The following BMP2K variants were observed in gnomAD, a reference collection of about 807,000 sequenced individuals.
The protein encoded by BMP2K is BMP2 inducible kinase.
Under a neutral mutation model 116.0 loss-of-function variants are expected in BMP2K, and 74 were observed. The observed-to-expected ratio is 0.64, with a 90% CI of 0.53 to 0.77. The LOEUF (loss-of-function observed/expected upper bound fraction) is 0.77, where lower values mean the gene tolerates loss of function less well. Ranked by LOEUF, BMP2K falls within the 30% of genes least tolerant of loss-of-function variation. The pLI is 0.00. For synonymous variants in BMP2K, 486 were observed against 502.5 expected (o/e 0.97, Z 0.44); for missense variants, 1,365 against 1,403.6 (o/e 0.97, Z 0.44).
intron 1 of BMP2K, among the ~76,000 whole-genome samples, chr4:78,793,546 C>T (rs76799603): frequency 0.097 from 14,778 of 151,818 alleles, 2,444 homozygotes; most frequent in African/African-American, 0.34. Context: ...CAGAAGCACT[C>T]GGTGGTTGTT....
chr4:78,854,542 G>A (rs1241990467), intron 7 of BMP2K, among the ~76,000 whole-genome samples: 3 of 151,970 alleles, frequency 2.0e-5, no homozygotes, highest in Non-Finnish European at 4.4e-5. Flanking sequence ...CAAAGTGCTG[G>A]GACTATAGGC....
At chr4:78,804,717 T>C (rs893080458) in intron 1 of BMP2K, among the ~76,000 whole-genome samples, 22 of 151,780 alleles carry the variant, frequency 1.4e-4, no homozygotes, top group African/African-American at 5.1e-4. Context: ...ATTGGCCATG[T>C]GTGTATCTTT....
At chr4:78,801,315 T>C (rs1171469096) in intron 1 of BMP2K, among the ~76,000 whole-genome samples, 1 of 151,664 alleles carries the variant, frequency 6.6e-6, no homozygotes, top group African/African-American at 2.4e-5. Context: ...TTCTGTGAAT[T>C]ATCTTTATTG....
At chr4:78,835,453 GTC>G (rs1730426437) in intron 3 of BMP2K, among the ~76,000 whole-genome samples, 1 of 151,640 alleles carries the variant, frequency 6.6e-6, no homozygotes, top group African/African-American at 2.4e-5. Context: ...GTGAAACCCT[GTC>G]TCTACTAAAA....
chr4:78,819,364 T>C (rs969938979), intron 1 of BMP2K, among the ~76,000 whole-genome samples: 2 of 152,174 alleles, frequency 1.3e-5, no homozygotes, highest in African/African-American at 4.8e-5. Flanking sequence ...CAAGTAGTAA[T>C]AGCAGCAGCC....
intron 3 of BMP2K, among the ~76,000 whole-genome samples, chr4:78,836,803 G>A (rs1294647719): frequency 6.6e-6 from 1 of 152,178 alleles, no homozygotes; most frequent in East Asian, 1.9e-4. Flanking sequence ...GAATTTTGAG[G>A]ACATCATTCC....
At chr4:78,857,794 A>G (rs1731574480) in intron 7 of BMP2K, among the ~76,000 whole-genome samples, 1 of 152,060 alleles carries the variant, frequency 6.6e-6, no homozygotes, top group Admixed American at 6.6e-5. Context: ...CAGTATCACG[A>G]ATAGTGTTTT....
chr4:78,776,499 T>G lies in BMP2K; in HGVS notation c.-45T>G, dbSNP rs2109907411. On this transcript the variant is annotated 5_prime_UTR_variant, in exon 1 of 16. Transcript: ENST00000502613. ...CCCGGCTGCGCGCCGGGCCGGGGAC[T>G]TGCCCTTGCACGCTCCCTGCGCCCT... 3 of 1,124,374 alleles carry G rather than the reference T, an allele frequency of 2.7e-6. No homozygotes were observed. The highest frequency in any genetic ancestry group is 4.3e-5 in the South Asian group (1 of 23,402). 69.6% of individuals were successfully genotyped at this position (1,124,374 alleles called of 1,614,324 possible). A position where few individuals can be genotyped will look rare whatever the true frequency, so the allele number is the denominator to read the frequency against.
At chr4:78,803,546 T>C (rs1728674450) in intron 1 of BMP2K, among the ~76,000 whole-genome samples, 1 of 151,980 alleles carries the variant, frequency 6.6e-6, no homozygotes, top group African/African-American at 2.4e-5. Flanking sequence ...TCCCTGCACA[T>C]TTTTGTATTT....
intron 4 of BMP2K, among the ~76,000 whole-genome samples, chr4:78,843,172 C>T (rs969528376): frequency 1.3e-5 from 2 of 152,010 alleles, no homozygotes; most frequent in Middle Eastern, 3.4e-3. Flanking sequence ...CCCAGAAGAA[C>T]ACTGAGATTA....
chr4:78,872,969 G>A (rs1320881184), intron 13 of BMP2K, among the ~76,000 whole-genome samples, 171 bp downstream of exon 13: 2 of 152,076 alleles, frequency 1.3e-5, no homozygotes, highest in East Asian at 1.9e-4. Context: ...CCATCCTTCC[G>A]TTTCCTCAGT....
chr4:78,907,727 A>G (rs1438848152), intron 15 of BMP2K, among the ~76,000 whole-genome samples: 1 of 152,146 alleles, frequency 6.6e-6, no homozygotes, highest in East Asian at 1.9e-4. Context: ...AGAGTGCACC[A>G]TTTCATAGAC....
chr4:78,827,533 A>C (rs1049412330), intron 2 of BMP2K, among the ~76,000 whole-genome samples: 1 of 152,200 alleles, frequency 6.6e-6, no homozygotes, highest in Admixed American at 6.5e-5. Flanking sequence ...GCACTGCTGC[A>C]GTACCCCTAT....
intron 15 of BMP2K, among the ~76,000 whole-genome samples, chr4:78,888,789 T>C (rs1406800713): frequency 6.6e-6 from 1 of 152,210 alleles, no homozygotes; most frequent in Non-Finnish European, 1.5e-5. Flanking sequence ...GTGGGAAATA[T>C]GAATTGTCTA....
chr4:78,831,141 G>T (rs1040469247), intron 2 of BMP2K, among the ~76,000 whole-genome samples: 2 of 152,204 alleles, frequency 1.3e-5, no homozygotes, highest in Non-Finnish European at 2.9e-5. Context: ...GAGAGGGGGA[G>T]CCTGAGGAAC....
chr4:78,821,281 T>C (rs1182112238), intron 1 of BMP2K, among the ~76,000 whole-genome samples: 2 of 152,228 alleles, frequency 1.3e-5, no homozygotes, highest in Non-Finnish European at 2.9e-5. Flanking sequence ...GTTTCTTGAC[T>C]TGAGGCTTCA....
chr4:78,845,928 G>A (rs1281040257), intron 5 of BMP2K, among the ~76,000 whole-genome samples: 1 of 151,572 alleles, frequency 6.6e-6, no homozygotes, highest in Non-Finnish European at 1.5e-5. Context: ...AGCCTATGAT[G>A]ATTATGTTAG....
chr4:78,783,805 CAAAAT>C (rs1727611260), intron 1 of BMP2K, among the ~76,000 whole-genome samples: 1 of 151,402 alleles, frequency 6.6e-6, no homozygotes, highest in East Asian at 1.9e-4. Flanking sequence ...GACGCTGTCT[CAAAAT>C]AAATAAATAA....
intron 1 of BMP2K, among the ~76,000 whole-genome samples, chr4:78,783,464 C>G (rs1727599823): frequency 6.6e-6 from 1 of 152,018 alleles, no homozygotes; most frequent in Non-Finnish European, 1.5e-5. Flanking sequence ...TTTCAGTATT[C>G]CAAAAAAACA....
Sources: gnomAD v4.1 joint callset for allele counts (sites outside exome capture counted in the v4.1 genomes callset) on GRCh38, gnomAD v4.1.1 for gene constraint, MANE v1.5 for transcripts, NCBI Gene and HGNC (gene_info 2026-07-23, HGNC 2026-07-21) for gene names.